ABCA4: variants seen among roughly 807,000 people sequenced by gnomAD.
ABCA4 encodes retinal-specific phospholipid-transporting ATPase ABCA4.
Under a neutral mutation model 263.7 loss-of-function variants are expected in ABCA4, and 196 were observed. The observed-to-expected ratio is 0.74, with a 90% confidence interval of 0.66 to 0.84. ABCA4 has a LOEUF of 0.84. ABCA4 is among the 40% of genes least tolerant of loss of function. The pLI is 0.00. For missense variants in ABCA4, 2,792 were observed against 2,855.1 expected, an observed-to-expected ratio of 0.98 and a Z score of 0.50; for synonymous variants, 1,133 against 1,094.2, an observed-to-expected ratio of 1.04 and a Z score of -0.70.
At chr1:94,034,680 C>T (rs1312389800) in intron 26 of ABCA4, among the ~76,000 whole-genome samples, 1 of 151,322 alleles carries the variant, frequency 6.6e-6, no homozygotes, top group Non-Finnish European at 1.5e-5. Context: ...GAGAGTGAGA[C>T]CCAGTGGCCT....
chr1:94,103,282 G>C, intron 4 of ABCA4, 140 bp from the exon 5 acceptor site: 1 of 1,083,186 alleles, frequency 9.2e-7, no homozygotes, highest in Non-Finnish European at 1.4e-6. Flanking sequence ...GGAGCCCCTA[G>C]AGGTGAGGCT....
intron 6 of ABCA4, among the ~76,000 whole-genome samples, 195 bp from the exon 7 acceptor site, chr1:94,083,636 C>T (rs193247623): frequency 6.6e-6 from 1 of 152,276 alleles, no homozygotes; most frequent in African/African-American, 2.4e-5. Flanking sequence ...GCTCTCATTC[C>T]AAGACTCCTT....
At chr1:94,030,199 T>C (rs1375466740) in intron 29 of ABCA4, among the ~76,000 whole-genome samples, 1 of 152,186 alleles carries the variant, frequency 6.6e-6, no homozygotes, top group Non-Finnish European at 1.5e-5. Flanking sequence ...AGAACTTCTA[T>C]GCTGAGAAAT....
At chr1:94,065,878 A>T (rs1661256593) in intron 11 of ABCA4, among the ~76,000 whole-genome samples, 1 of 152,228 alleles carries the variant, frequency 6.6e-6, no homozygotes. Flanking sequence ...AAGGAAATGG[A>T]ATTGGTATTT....
chr1:94,095,557 C>T (rs560600826), intron 6 of ABCA4, among the ~76,000 whole-genome samples: 85 of 152,260 alleles, frequency 5.6e-4, no homozygotes, highest in African/African-American at 2.0e-3. Context: ...CAATAACAGC[C>T]GCGTCCCAGC....
chr1:94,121,087 C>A lies in ABCA4; in HGVS notation c.-42G>T, dbSNP rs1398378854. ...AGACCAGATTGGTCAGAGCTGAGGC[C>A]CCTCAGACAGCAAAGGACATAAACG... On this transcript the variant is annotated 5_prime_UTR_variant, in exon 1 of 50. Coordinates refer to ENST00000370225, the MANE Select transcript of ABCA4 (RefSeq NM_000350.3). The A allele has an allele frequency of 1.3e-6, 2 of 1,594,806 alleles. No homozygotes were observed. Among genetic ancestry groups the A allele is most frequent in the Non-Finnish European group, 8.6e-7 (1 of 1,162,388 alleles).
intron 1 of ABCA4, among the ~76,000 whole-genome samples, chr1:94,119,919 T>C (rs1327304710): frequency 6.6e-6 from 1 of 152,140 alleles, no homozygotes; most frequent in South Asian, 2.1e-4. Flanking sequence ...TCTCCCTCCC[T>C]TTCCTCCTGA....
intron 11 of ABCA4, among the ~76,000 whole-genome samples, chr1:94,064,005 G>A (rs1163609046): frequency 2.6e-5 from 4 of 151,762 alleles, no homozygotes; most frequent in Non-Finnish European, 5.9e-5. Flanking sequence ...TATGATGGTT[G>A]TCCTCCTGTA....
intron 22 of ABCA4, 152 bp downstream of exon 22, chr1:94,042,609 A>G: frequency 9.2e-7 from 1 of 1,082,146 alleles, no homozygotes; most frequent in Non-Finnish European, 1.4e-6. Context: ...CTTTAGCTGG[A>G]ACTTAGATTC....
chr1:94,014,249 A>AG (rs1261994444), intron 38 of ABCA4, among the ~76,000 whole-genome samples: 3 of 150,646 alleles, frequency 2.0e-5, no homozygotes, highest in South Asian at 2.1e-4. Flanking sequence ...AAAGGGAGAG[A>AG]GGGCAGAAGG....
chr1:94,044,621 C>A lies in ABCA4; in HGVS notation c.3042G>T (p.Leu1014=). 6.2e-7 allele frequency: 1 copy of A among 1,614,196 alleles called. No individual in the cohort carries two copies. The highest frequency in any genetic ancestry group is 8.5e-7 in the Non-Finnish European group (1 of 1,180,046). ...SLGMCPQHNI[L]FHHLTVAEHM... ...GTTCCTGTGTCGCTTACTGGTGGAA[C>A]AGGATGTTGTGCTGTGGACACATGC... Residue 1014 remains leucine, a synonymous_variant, in exon 20 of 50, where the codon CTG becomes CTT. Transcript: ENST00000370225.
At position 94,055,061 on chromosome 1, in the gene ABCA4, G is replaced by C. The variant is rs1192628360; in HGVS notation, c.2587+50C>G. 2.0e-6 allele frequency: 3 copies of C among 1,508,290 alleles called. No individual in the cohort carries two copies. The African/African-American group carries it at 4.1e-5, about 21-fold the overall frequency. 93.4% of individuals were successfully genotyped at this position (1,508,290 alleles called of 1,614,324 possible). Reference sequence around the variant, plus strand: ...TTAAACTAGATGAATGGAGAGGGCTGGGGATCTGAAGAACTCAATTACCTT... The same window carrying C: ...TTAAACTAGATGAATGGAGAGGGCTCGGGATCTGAAGAACTCAATTACCTT... On this transcript the variant is annotated intron_variant, in intron 16 of 49. Transcript: ENST00000370225.
chr1:94,045,668 C>T (rs1660650951), intron 19 of ABCA4: 1 of 443,776 alleles, frequency 2.3e-6, no homozygotes, highest in East Asian at 7.0e-5. Flanking sequence ...TGAACTTGTC[C>T]TGATGGAGAA....
intron 4 of ABCA4, among the ~76,000 whole-genome samples, chr1:94,106,516 C>T (rs1337519450): frequency 6.6e-6 from 1 of 152,046 alleles, no homozygotes; most frequent in African/African-American, 2.4e-5. Flanking sequence ...GGTTGGTACA[C>T]AGGGGAAGGG....
At chr1:94,056,866 G>A (rs1557784784) in intron 14 of ABCA4, 44 bp from the exon 15 acceptor site, 2 of 1,496,668 alleles carry the variant, frequency 1.3e-6, no homozygotes, top group Non-Finnish European at 9.1e-7. Context: ...GCCCTTGGCC[G>A]GACGCCTTCT....
intron 3 of ABCA4, among the ~76,000 whole-genome samples, chr1:94,111,183 C>T (rs1662589744): frequency 6.6e-6 from 1 of 152,240 alleles, no homozygotes; most frequent in South Asian, 2.1e-4. Flanking sequence ...CCATCAGACT[C>T]CAGGTCACAT....
At position 94,048,808 on chromosome 1, in the gene ABCA4, C is replaced by A. The variant is rs113018601; in HGVS notation, c.2743+60G>T. On this transcript the variant is annotated intron_variant, in intron 18 of 49. Transcript: ENST00000370225. ...TGCCATGAGATGTTTTGCTCTGGCC[C>A]TCTGCAGTGCTTAGAGCCTTTTCCT... is the stretch of plus-strand genomic sequence containing the variant. 50 of 1,534,180 alleles carry A rather than the reference C, an allele frequency of 3.3e-5. No individual in the cohort carries two copies. In the African/African-American group the frequency reaches 4.5e-4, roughly 14 times the overall value.
At position 94,112,020 on chromosome 1, in the gene ABCA4, TAA is replaced by T. The variant is rs199892893; in HGVS notation, c.161-443_161-442del. Among the ~76,000 whole-genome samples the T allele has an allele frequency of 2.0e-3, 308 of 151,868 alleles. 4 individuals are homozygous for T. In the East Asian group the frequency reaches 0.026, roughly 13 times the overall value. On this transcript the variant is annotated intron_variant, in intron 2 of 49. Transcript: ENST00000370225. ...AGGTTATGGGCTCCTCGGGGAGAGG[TAA>T]AGAAGAGTCTGATGGACAGGAGGCT...
Position 94,001,915 on chromosome 1 carries a change from G to C in ABCA4, c.6225C>G (p.Asn2075Lys). ...CGATGGCTGTGGAGAGTTTCCGCTT[G>C]TTGCCCCCACTGTACGTGCCAGCCA... Reference protein sequence around the residue: ...DCLAGTYSGGNKRKLSTAIAL... With the variant: ...DCLAGTYSGGKKRKLSTAIAL... Residue 2075 changes from asparagine (N) to lysine (K), a missense_variant, in exon 45 of 50, where the codon AAC (asparagine) becomes AAG (lysine). Coordinates refer to ENST00000370225, the MANE Select transcript of ABCA4 (RefSeq NM_000350.3). 6.2e-7 allele frequency: 1 copy of C among 1,614,216 alleles called. No homozygotes were observed.
Sources: allele counts gnomAD v4.1 joint callset (sites outside exome capture counted in the v4.1 genomes callset), GRCh38; gene constraint gnomAD v4.1.1; transcripts MANE v1.5; gene names NCBI Gene and HGNC (gene_info 2026-07-23, HGNC 2026-07-21).